Variants in KCTD8 observed in about 807,000 individuals in gnomAD.
The protein encoded by KCTD8 is BTB/POZ domain-containing protein KCTD8.
Under a neutral mutation model 31.5 loss-of-function variants are expected in KCTD8, and 27 were observed. The observed-to-expected ratio is 0.86, with a 90% CI of 0.63 to 1.18. The LOEUF (loss-of-function observed/expected upper bound fraction) is 1.18, where lower values mean the gene tolerates loss of function less well. KCTD8 is among the 50% of genes most tolerant of loss of function. The pLI, the probability that KCTD8 is intolerant of heterozygous loss-of-function variation, is 0.00. For synonymous variants in KCTD8, 290 were observed against 280.0 expected (o/e 1.04, Z -0.36); for missense variants, 658 against 647.7 (o/e 1.02, Z -0.17).
rs754028061 is a variant in KCTD8 at position 44,175,115 on chromosome 4, G to C, written c.1097C>G (p.Ala366Gly). 6.2e-7 allele frequency: 1 copy of C among 1,614,006 alleles called. No homozygotes were observed. The change falls in exon 2 of 2, where the codon GCA (alanine) becomes GGA (glycine). Residue 366 changes from alanine (A) to glycine (G), a missense_variant. Physicochemically the swap from Ala to Gly is moderately conservative, Grantham distance 60 (BLOSUM62 0). Coordinates refer to ENST00000360029, the MANE Select transcript of KCTD8 (RefSeq NM_198353.3). ...GGATGGGTTGTCCTGGGGAGTGCTT[G>C]CCTCTGAATGGCTGTCACAACTGGA... ...STSSCDSHSEASTPQDNPSSA... is the reference protein window; with the variant it reads ...STSSCDSHSEGSTPQDNPSSA...
chr4:44,306,334 T>C lies in KCTD8; in HGVS notation c.962-131084A>G, dbSNP rs561963061. ...ATTATATTTCTAGATTGGTCAAGTA[T>C]AATTATATCCTCACTTCATGTTAAA... On this transcript the variant is annotated intron_variant, in intron 1 of 1. Coordinates refer to ENST00000360029, the MANE Select transcript of KCTD8 (RefSeq NM_198353.3). Among the ~76,000 whole-genome samples the C allele has an allele frequency of 3.1e-4, 47 of 152,146 alleles. No homozygotes were observed. In the South Asian group the frequency reaches 9.5e-3, roughly 31 times the overall value.
intron 1 of KCTD8, among the ~76,000 whole-genome samples, chr4:44,349,071 GCCACCACCACCA>G (rs200999276): frequency 7.3e-6 from 1 of 136,702 alleles, no homozygotes; most frequent in African/African-American, 2.8e-5. Context: ...CGCTGCCACC[GCCACCACCACCA>G]CCACCACCAC....
intron 1 of KCTD8, among the ~76,000 whole-genome samples, chr4:44,418,185 G>T (rs1207070422): frequency 6.6e-6 from 1 of 152,090 alleles, no homozygotes; most frequent in Non-Finnish European, 1.5e-5. Context: ...TAACTATATG[G>T]CTTTAAAAGA....
rs751142804 is a variant in KCTD8, at chr4:44,447,881, C to A, written c.643G>T (p.Gly215Cys). 1.3e-6 allele frequency: 2 copies of A among 1,543,530 alleles called. No individual in the cohort carries two copies. Among genetic ancestry groups the A allele is most frequent in the Admixed American group, 3.8e-5 (2 of 51,962 alleles). The stretch of plus-strand genomic sequence containing the variant: ...TTGTCGCGCACGGTGGTGTAGGAGC[C>A]CCGGTAGCCCAGCGTGAGGAAGCCC... ...RSGFLTLGYR[G>C]SYTTVRDNQA... The change falls in exon 1 of 2, where the codon GGC becomes TGC. Residue 215 changes from glycine to cysteine, a missense_variant. Gly to Cys is a radical substitution (Grantham distance 159). Transcript: ENST00000360029.
chr4:44,394,676 T>C (rs1262590763), intron 1 of KCTD8, among the ~76,000 whole-genome samples: 1 of 152,206 alleles, frequency 6.6e-6, no homozygotes, highest in Non-Finnish European at 1.5e-5. Flanking sequence ...ATGTCGTATG[T>C]GCTATAAGAC....
intron 1 of KCTD8, among the ~76,000 whole-genome samples, chr4:44,320,710 T>C (rs11946059): frequency 0.029 from 4,461 of 152,138 alleles, 235 homozygotes; most frequent in African/African-American, 0.1. Context: ...AGTAGCTGTG[T>C]TTTAATAAAT....
chr4:44,175,262 G>GA lies in KCTD8; in HGVS notation c.962-13dup, dbSNP rs752333669. 1,498 of 1,396,234 alleles carry GA rather than the reference G, an allele frequency of 1.1e-3. No homozygotes were observed. Among genetic ancestry groups the GA allele is most frequent in the South Asian group, 1.8e-3 (115 of 65,100 alleles). 86.5% of individuals were successfully genotyped at this position (1,396,234 alleles called of 1,614,324 possible). On this transcript the variant is annotated splice_polypyrimidine_tract_variant and intron_variant, in intron 1 of 1. Coordinates refer to ENST00000360029, the MANE Select transcript of KCTD8 (RefSeq NM_198353.3). Reference sequence around the variant, plus strand: ...TTTCTGAGGTGGTCCTAAAAAGGAGGAAAAAAAAAGAAGAAGAGTAGAACA... The same window carrying GA: ...TTTCTGAGGTGGTCCTAAAAAGGAGGAAAAAAAAAAGAAGAAGAGTAGAACA...
intron 1 of KCTD8, among the ~76,000 whole-genome samples, chr4:44,376,963 T>C (rs1292169377): frequency 2.0e-5 from 3 of 152,104 alleles, no homozygotes; most frequent in Non-Finnish European, 2.9e-5. Flanking sequence ...GAAAGAGAAA[T>C]AATCCTTGAG....
At chr4:44,324,475 C>T (rs987214589) in intron 1 of KCTD8, among the ~76,000 whole-genome samples, 7 of 152,044 alleles carry the variant, frequency 4.6e-5, no homozygotes, top group Admixed American at 3.9e-4. Flanking sequence ...GATGCATTTA[C>T]TTCACAGTTT....
At chr4:44,444,656 G>A (rs932257491) in intron 1 of KCTD8, among the ~76,000 whole-genome samples, 14 of 152,098 alleles carry the variant, frequency 9.2e-5, no homozygotes, top group African/African-American at 3.4e-4. Context: ...TGTAATACAG[G>A]TGAGGAAACC....
chr4:44,408,128 C>A (rs138928635), intron 1 of KCTD8, among the ~76,000 whole-genome samples: 4 of 152,282 alleles, frequency 2.6e-5, no homozygotes, highest in African/African-American at 9.6e-5. Flanking sequence ...CTGTGAAAGA[C>A]AAGTTAAATC....
At chr4:44,436,790 T>G (rs1449635616) in intron 1 of KCTD8, among the ~76,000 whole-genome samples, 1 of 151,822 alleles carries the variant, frequency 6.6e-6, no homozygotes. Flanking sequence ...CTAGAAACTT[T>G]AAAAAAAATG....
In KCTD8 at chr4:44,448,506, C is replaced by G; in HGVS notation, c.18G>C (p.Thr6=). Reference sequence around the variant, plus strand: ...GCAGGATGGTGCTGCCGCCGCTGCCCGTGTCCTTCAGAGCCATAGTCCCCC... The same window carrying G: ...GCAGGATGGTGCTGCCGCCGCTGCCGGTGTCCTTCAGAGCCATAGTCCCCC... MALKD[T]GSGGSTILPI... Residue 6 remains threonine, a synonymous_variant, in exon 1 of 2, where the codon ACG becomes ACC. Transcript: ENST00000360029. This position sits in a 1 kb window ranked among gnomAD's most constrained non-coding sequence, Gnocchi z 4.1. 1 of 1,488,558 alleles carries G rather than the reference C, an allele frequency of 6.7e-7. No homozygotes were observed. The highest frequency in any genetic ancestry group is 8.9e-7 in the Non-Finnish European group (1 of 1,123,840). The allele number at this position is 1,488,558 out of a possible 1,614,324, so 92.2% of individuals were successfully genotyped here. A position where few individuals can be genotyped will look rare whatever the true frequency, so the allele number is the denominator to read the frequency against.
chr4:44,182,105 C>G (rs1248329830), intron 1 of KCTD8, among the ~76,000 whole-genome samples: 1 of 151,816 alleles, frequency 6.6e-6, no homozygotes, highest in South Asian at 2.1e-4. Context: ...GACAGCCGCC[C>G]CGTCCGGGAG....
intron 1 of KCTD8, among the ~76,000 whole-genome samples, chr4:44,406,578 C>T (rs1720801430): frequency 6.6e-6 from 1 of 152,136 alleles, no homozygotes; most frequent in South Asian, 2.1e-4. Flanking sequence ...AATTAAGCCC[C>T]TTTTTCTTCC....
At chr4:44,263,111 G>A (rs1333912274) in intron 1 of KCTD8, among the ~76,000 whole-genome samples, 1 of 152,034 alleles carries the variant, frequency 6.6e-6, no homozygotes, top group Non-Finnish European at 1.5e-5. Flanking sequence ...TCCCACTGCA[G>A]CAACGGAAAG....
intron 1 of KCTD8, among the ~76,000 whole-genome samples, chr4:44,225,595 C>T (rs1577840065): frequency 6.6e-6 from 1 of 151,810 alleles, no homozygotes; most frequent in East Asian, 1.9e-4. Context: ...TATTAAGCTT[C>T]CATCACTTAC....
At chr4:44,204,351 C>T (rs1305907988) in intron 1 of KCTD8, among the ~76,000 whole-genome samples, 1 of 152,100 alleles carries the variant, frequency 6.6e-6, no homozygotes, top group East Asian at 1.9e-4. Flanking sequence ...AGCCCGGCAC[C>T]ACACCCTGGG....
intron 1 of KCTD8, among the ~76,000 whole-genome samples, chr4:44,354,022 C>CA (rs1474652615): frequency 1.3e-5 from 2 of 152,078 alleles, no homozygotes; most frequent in Non-Finnish European, 2.9e-5. Context: ...TCAATCCAAA[C>CA]AAAAGTTATT....
Sources: gnomAD v4.1 joint callset for allele counts (sites outside exome capture counted in the v4.1 genomes callset) on GRCh38, gnomAD v4.1.1 for gene constraint, Gnocchi (gnomAD v3.1) non-coding constraint, MANE v1.5 for transcripts, NCBI Gene and HGNC (gene_info 2026-07-23, HGNC 2026-07-21) for gene names.